Variants in ZBTB7C observed in about 807,000 individuals in gnomAD.
ZBTB7C encodes zinc finger and BTB domain containing 7C, also known as zinc finger and BTB domain-containing protein 7C.
ZBTB7C carries 8 observed loss-of-function variants against 25.7 expected under a neutral mutation model. The ratio of observed to expected loss-of-function variants is 0.31; its 90% CI spans 0.18 to 0.56. ZBTB7C has a LOEUF of 0.56. Among genes scored for constraint, ZBTB7C ranks in the 20% least tolerant of loss-of-function variants. The pLI is 0.91. For synonymous variants in ZBTB7C, 394 were observed against 369.0 expected (o/e 1.07, Z -0.78); for missense variants, 824 against 855.2 (o/e 0.96, Z 0.46).
intron 2 of ZBTB7C, among the ~76,000 whole-genome samples, chr18:48,285,350 T>C (rs2045012115): frequency 2.0e-5 from 3 of 152,256 alleles, no homozygotes; most frequent in East Asian, 3.8e-4. Flanking sequence ...GATTATTATA[T>C]GTCCTAGCAG....
intron 2 of ZBTB7C, among the ~76,000 whole-genome samples, chr18:48,200,712 G>T (rs1220661972): frequency 6.6e-6 from 1 of 152,174 alleles, no homozygotes; most frequent in African/African-American, 2.4e-5. Context: ...CACGGTGCAG[G>T]GCAGGCTGGC....
intron 3 of ZBTB7C, among the ~76,000 whole-genome samples, chr18:48,137,718 A>C (rs1462302038): frequency 2.0e-5 from 3 of 152,250 alleles, no homozygotes; most frequent in Admixed American, 1.3e-4. Flanking sequence ...GTTGGAGATC[A>C]TGAGACCTTG....
At position 48,029,217 on chromosome 18, in the gene ZBTB7C, G is replaced by GA. The variant is rs1381765132; in HGVS notation, c.*42dup. On this transcript the variant is annotated 3_prime_UTR_variant, in exon 5 of 5. Coordinates refer to ENST00000590800, the MANE Select transcript of ZBTB7C (RefSeq NM_001318841.2). ...GTAGGGTAGAGTGGGCCTGGAGGGA[G>GA]AAGGACTGGAGGGCTGGTGGGCTGG... 6.6e-7 allele frequency: 1 copy of GA among 1,507,824 alleles called. No individual in the cohort carries two copies. Among genetic ancestry groups the GA allele is most frequent in the African/African-American group, 1.4e-5 (1 of 70,342 alleles). 93.4% of individuals were successfully genotyped at this position (1,507,824 alleles called of 1,614,324 possible). A position where few individuals can be genotyped will look rare whatever the true frequency, so the allele number is the denominator to read the frequency against.
rs73953668 is a variant in ZBTB7C at position 48,051,832 on chromosome 18, C to T, written c.-16-10709G>A. 6.6e-3 allele frequency among the ~76,000 whole-genome samples: 1,002 copies of T among 152,166 alleles called. 10 individuals carry two copies. Among genetic ancestry groups the T allele is most frequent in the African/African-American group, 0.023 (961 of 41,512 alleles). On this transcript the variant is annotated intron_variant, in intron 3 of 4. Coordinates refer to ENST00000590800, the MANE Select transcript of ZBTB7C (RefSeq NM_001318841.2). ...CACCGCAGATGGCTGGCACCCTGGC[C>T]GGGTTGGCCATGGAAGTCTGCGGCA...
intron 2 of ZBTB7C, among the ~76,000 whole-genome samples, chr18:48,195,326 G>A (rs2042292794): frequency 6.6e-6 from 1 of 152,180 alleles, no homozygotes; most frequent in African/African-American, 2.4e-5. Context: ...CACGTGTTGT[G>A]GGAGGGATGT....
At chr18:48,087,869 A>G (rs2038254349) in intron 3 of ZBTB7C, 1 of 146,186 alleles carries the variant, frequency 6.8e-6, no homozygotes, top group Admixed American at 6.8e-5. Context: ...GCATTTTTCC[A>G]TATTTTTCTT....
chr18:48,357,221 A>G lies in ZBTB7C; in HGVS notation c.-303-18823T>C, dbSNP rs543562137. 2.0e-5 allele frequency among the ~76,000 whole-genome samples: 3 copies of G among 152,342 alleles called. No individual in the cohort carries two copies. The East Asian group carries it at 5.8e-4, about 29-fold the overall frequency. On this transcript the variant is annotated intron_variant, in intron 1 of 4. Coordinates refer to ENST00000590800, the MANE Select transcript of ZBTB7C (RefSeq NM_001318841.2). Reference sequence around the variant, plus strand: ...ATGGGAGGCAGACGGCCACCTGCAGAATAGGTCGGGGGTGGCCAGGAGGAG... The same window carrying G: ...ATGGGAGGCAGACGGCCACCTGCAGGATAGGTCGGGGGTGGCCAGGAGGAG...
intron 2 of ZBTB7C, among the ~76,000 whole-genome samples, chr18:48,246,769 C>A (rs184154053): frequency 2.0e-5 from 3 of 152,170 alleles, no homozygotes; most frequent in Non-Finnish European, 4.4e-5. Context: ...CTGGCGAAAT[C>A]ATCATCAGGT....
intron 2 of ZBTB7C, among the ~76,000 whole-genome samples, chr18:48,186,589 C>G (rs981215323): frequency 4.6e-5 from 7 of 152,192 alleles, no homozygotes; most frequent in Non-Finnish European, 8.8e-5. Flanking sequence ...GAGTTGACAC[C>G]AAAGACTTGA....
chr18:48,169,829 G>C (rs553597515), intron 3 of ZBTB7C: 2 of 152,300 alleles, frequency 1.3e-5, no homozygotes, highest in Non-Finnish European at 2.9e-5. Context: ...CCTTGAACAG[G>C]GGCTATGCTA....
At chr18:48,111,854 G>T (rs1387887546) in intron 3 of ZBTB7C, among the ~76,000 whole-genome samples, 2 of 152,166 alleles carry the variant, frequency 1.3e-5, no homozygotes, top group African/African-American at 4.8e-5. Context: ...AGGCAAGTTA[G>T]CAATTTCGGA....
chr18:48,161,999 T>G (rs1056108856), intron 3 of ZBTB7C, among the ~76,000 whole-genome samples: 6 of 138,600 alleles, frequency 4.3e-5, no homozygotes, highest in African/African-American at 1.5e-4. Flanking sequence ...GGTTACCGCC[T>G]GAGAGGCCGG....
At chr18:48,133,955 A>C (rs1005113655) in intron 3 of ZBTB7C, among the ~76,000 whole-genome samples, 7 of 152,164 alleles carry the variant, frequency 4.6e-5, no homozygotes, top group African/African-American at 1.7e-4. Context: ...TAATTGCTGT[A>C]AACACTGGGA....
At chr18:48,074,267 GC>G (rs1241091191) in intron 3 of ZBTB7C, among the ~76,000 whole-genome samples, 1 of 152,148 alleles carries the variant, frequency 6.6e-6, no homozygotes, top group Non-Finnish European at 1.5e-5. Flanking sequence ...GCCTGCCTCG[GC>G]CTCCCAAAGT....
intron 2 of ZBTB7C, among the ~76,000 whole-genome samples, chr18:48,294,350 C>T (rs1251520132): frequency 2.6e-5 from 4 of 151,888 alleles, no homozygotes; most frequent in Non-Finnish European, 5.9e-5. Flanking sequence ...CCTGCACACC[C>T]CCACCCCCAC....
At chr18:48,324,840 AG>A (rs1326142459) in intron 2 of ZBTB7C, among the ~76,000 whole-genome samples, 2 of 152,100 alleles carry the variant, frequency 1.3e-5, no homozygotes, top group Admixed American at 1.3e-4. Flanking sequence ...GGTCCAGGGA[AG>A]GGGGTGGTGA....
chr18:48,243,846 A>G lies in ZBTB7C; in HGVS notation c.-78-57851T>C, dbSNP rs536840651. Reference sequence around the variant, plus strand: ...ATAGGCACTTAGACCAATGGAACAGAATAGAGAAACCAGGAATAAAGCCAC... The same window carrying G: ...ATAGGCACTTAGACCAATGGAACAGGATAGAGAAACCAGGAATAAAGCCAC... On this transcript the variant is annotated intron_variant, in intron 2 of 4. Transcript: ENST00000590800. 1.5e-4 allele frequency among the ~76,000 whole-genome samples: 23 copies of G among 152,334 alleles called. No homozygotes were observed. The South Asian group carries it at 2.5e-3, about 16-fold the overall frequency.
intron 2 of ZBTB7C, among the ~76,000 whole-genome samples, chr18:48,259,106 C>T (rs901460081): frequency 6.6e-6 from 1 of 152,112 alleles, no homozygotes; most frequent in Non-Finnish European, 1.5e-5. Flanking sequence ...CATGCCACCA[C>T]ACCCGGCTAA....
chr18:48,242,285 C>T (rs1212813743), intron 2 of ZBTB7C, among the ~76,000 whole-genome samples: 2 of 152,124 alleles, frequency 1.3e-5, no homozygotes, highest in Non-Finnish European at 2.9e-5. Context: ...GAATTGGTAC[C>T]AATCCTATTG....
Sources: gnomAD v4.1 joint callset for allele counts (sites outside exome capture counted in the v4.1 genomes callset) on GRCh38, gnomAD v4.1.1 for gene constraint, MANE v1.5 for transcripts, NCBI Gene and HGNC (gene_info 2026-07-23, HGNC 2026-07-21) for gene names.